C11orf54: variants seen among roughly 807,000 people sequenced by gnomAD.
C11orf54 encodes the protein beta-keto-L-gulonate decarboxylase.
In C11orf54, 29 loss-of-function variants were observed where a neutral mutation model predicts 35.5. The ratio of observed to expected loss-of-function variants is 0.82; its 90% CI spans 0.61 to 1.11. C11orf54 has a LOEUF of 1.11. Among genes scored for constraint, C11orf54 ranks in the 50% most tolerant of loss-of-function variants. The pLI is 0.00. For synonymous variants in C11orf54, 108 were observed against 121.1 expected (o/e 0.89, Z 0.71); for missense variants, 373 against 369.2 (o/e 1.01, Z -0.08).
At chr11:93,749,495 ACT>A (rs1335753598) in intron 2 of C11orf54, among the ~76,000 whole-genome samples, 15 of 92,862 alleles carry the variant, frequency 1.6e-4, no homozygotes, top group Non-Finnish European at 5.9e-5. Context: ...TCAGAGTGAG[ACT>A]CTGTCTCAAA....
chr11:93,754,652 A>AG (rs1309228854), intron 5 of C11orf54, among the ~76,000 whole-genome samples: 4 of 152,034 alleles, frequency 2.6e-5, no homozygotes, highest in African/African-American at 9.7e-5. Context: ...TGTTCAAGTT[A>AG]GGAAAAAAAG....
intron 3 of C11orf54, among the ~76,000 whole-genome samples, chr11:93,751,820 C>CTTT (rs35146074): frequency 0.017 from 1,369 of 79,992 alleles, 53 homozygotes; most frequent in African/African-American, 0.05. Context: ...AATGGTTAAT[C>CTTT]TTTTTTTTTT....
At chr11:93,746,347 C>T (rs1030661813) in intron 1 of C11orf54, 1 of 152,164 alleles carries the variant, frequency 6.6e-6, no homozygotes, top group Non-Finnish European at 1.5e-5. Context: ...TAGAAACACC[C>T]TTAAGAGTCT....
At chr11:93,760,775 C>A in intron 8 of C11orf54, among the ~76,000 whole-genome samples, 1 of 152,070 alleles carries the variant, frequency 6.6e-6, no homozygotes, top group Non-Finnish European at 1.5e-5. Context: ...TCTCCTGCCT[C>A]ACCCTCCTGA....
rs777926280 is a variant in C11orf54, at chr11:93,753,718, G to A, written c.191G>A (p.Gly64Asp). 3.1e-6 allele frequency: 5 copies of A among 1,613,844 alleles called. No individual in the cohort carries two copies. The highest frequency in any genetic ancestry group is 3.4e-6 in the Non-Finnish European group (4 of 1,179,980). Residue 64 changes from glycine to aspartate, a missense_variant, in exon 4 of 9, where the codon GGT (glycine) becomes GAT (aspartate). Coordinates refer to ENST00000354421, the MANE Select transcript of C11orf54 (RefSeq NM_001286069.2). ...AAAACTAGAATTGCAGAAGTTGGAG[G>A]TGTGCCTTACTTATTGCCTCTTGTA... ...CGKTRIAEVG[G>D]VPYLLPLVNQ...
chr11:93,756,167 C>CA (rs1210508995), intron 6 of C11orf54, among the ~76,000 whole-genome samples: 1,904 of 26,906 alleles, frequency 0.071, 98 homozygotes, highest in African/African-American at 0.18. Flanking sequence ...ACTCTGTCTC[C>CA]AAAAAAAAAA....
chr11:93,750,441 A>G lies in C11orf54; in HGVS notation c.151A>G (p.Lys51Glu), dbSNP rs1942756408. The G allele has an allele frequency of 1.2e-6, 2 of 1,610,006 alleles. No homozygotes were observed. The highest frequency in any genetic ancestry group is 1.7e-6 in the Non-Finnish European group (2 of 1,177,662). ...LTKEPFTFPV[K>E]GICGKTRIAE... ...TAAGGAACCCTTTACCTTTCCTGTA[A>G]AAGGTAAGCAATTTTTGCAATTAGC... The change falls in exon 3 of 9, where the codon AAA becomes GAA. Residue 51 changes from lysine to glutamate, a missense_variant. Coordinates refer to ENST00000354421, the MANE Select transcript of C11orf54 (RefSeq NM_001286069.2).
chr11:93,755,904 G>C (rs1340962834), intron 6 of C11orf54, among the ~76,000 whole-genome samples: 1 of 151,722 alleles, frequency 6.6e-6, no homozygotes, highest in Non-Finnish European at 1.5e-5. Flanking sequence ...GGTGGCTCAC[G>C]CCTGTATTCC....
chr11:93,742,211 C>G (rs1260130297), intron 1 of C11orf54: 1 of 152,390 alleles, frequency 6.6e-6, no homozygotes, highest in Non-Finnish European at 1.5e-5. Context: ...ACCATTAGTT[C>G]CTTGACCGGT....
In C11orf54 at chr11:93,761,507, T is replaced by C. The variant is rs1246889033; in HGVS notation, c.775-8T>C. 3 of 1,593,290 alleles carry C rather than the reference T, an allele frequency of 1.9e-6. No individual in the cohort carries two copies. The highest frequency in any genetic ancestry group is 3.6e-5 in the Admixed American group (2 of 55,880). On this transcript the variant is annotated splice_region_variant and splice_polypyrimidine_tract_variant and intron_variant, in intron 8 of 8. Transcript: ENST00000354421. ...GAGTACTAACATATTGTTTGTCTGTTATCTTAGGGGTTTGATTTGCGACTG... is the reference window on the plus strand; with the variant it reads ...GAGTACTAACATATTGTTTGTCTGTCATCTTAGGGGTTTGATTTGCGACTG...
rs1415369146 is a variant in C11orf54, at chr11:93,763,858, C to T, written c.*2170C>T. 2 of 152,198 alleles carry T rather than the reference C, an allele frequency of 1.3e-5. No individual in the cohort carries two copies. The highest frequency in any genetic ancestry group is 4.8e-5 in the African/African-American group (2 of 41,422). 9.4% of individuals were successfully genotyped at this position (152,198 alleles called of 1,614,324 possible). A position where few individuals can be genotyped will look rare whatever the true frequency, so the allele number is the denominator to read the frequency against. On this transcript the variant is annotated 3_prime_UTR_variant, in exon 9 of 9. Coordinates refer to ENST00000354421, the MANE Select transcript of C11orf54 (RefSeq NM_001286069.2). ...GCTTTCTGGGGAAAGCAGGGCAGCT[C>T]CTAAGCAGGATTTGACAACAGGGAA... is the stretch of plus-strand genomic sequence containing the variant.
At position 93,743,182 on chromosome 11, in the gene C11orf54, G is replaced by A. The variant is rs141745991; in HGVS notation, c.-98+1454G>A. ...CAACCGGCTAATTTTTGTACTTTTA[G>A]TAGAGACCAGGTTTCACCATGTTGG... On this transcript the variant is annotated intron_variant, in intron 1 of 8. Coordinates refer to ENST00000354421, the MANE Select transcript of C11orf54 (RefSeq NM_001286069.2). Among the ~76,000 whole-genome samples the A allele has an allele frequency of 1.0e-3, 154 of 152,008 alleles. 2 individuals are homozygous for A. Among genetic ancestry groups the A allele is most frequent in the African/African-American group, 3.6e-3 (151 of 41,490 alleles).
At chr11:93,742,540 C>T (rs965748684) in intron 1 of C11orf54, among the ~76,000 whole-genome samples, 3 of 152,202 alleles carry the variant, frequency 2.0e-5, no homozygotes, top group African/African-American at 7.2e-5. Context: ...CCGCCTCGGC[C>T]TCCCAAAGTA....
At chr11:93,761,472 T>A (rs1943466255) in intron 8 of C11orf54, 43 bp from the exon 9 acceptor site, 1 of 1,516,162 alleles carries the variant, frequency 6.6e-7, no homozygotes. Flanking sequence ...TAAACTCTAA[T>A]CAATAATTTG....
At chr11:93,749,533 G>C (rs768880903) in intron 2 of C11orf54, among the ~76,000 whole-genome samples, 1 of 138,312 alleles carries the variant, frequency 7.2e-6, no homozygotes, top group Non-Finnish European at 1.6e-5. Flanking sequence ...AAAAACTGTT[G>C]AGGCTAGGTG....
At chr11:93,744,778 G>A (rs998875496) in intron 1 of C11orf54, among the ~76,000 whole-genome samples, 1 of 152,210 alleles carries the variant, frequency 6.6e-6, no homozygotes. Context: ...AAGACACAAA[G>A]TATAGAGAAA....
At chr11:93,753,140 G>T (rs1942936044) in intron 3 of C11orf54, among the ~76,000 whole-genome samples, 1 of 151,900 alleles carries the variant, frequency 6.6e-6, no homozygotes, top group African/African-American at 2.4e-5. Flanking sequence ...CCGCCACCAT[G>T]CCCAGCTAAT....
intron 7 of C11orf54, among the ~76,000 whole-genome samples, chr11:93,759,075 T>A (rs1943318186): frequency 6.6e-6 from 1 of 152,332 alleles, no homozygotes; most frequent in African/African-American, 2.4e-5. Flanking sequence ...TGTAAATTAG[T>A]TCAACCATTG....
At chr11:93,753,202 C>G (rs1178611084) in intron 3 of C11orf54, among the ~76,000 whole-genome samples, 1 of 152,132 alleles carries the variant, frequency 6.6e-6, no homozygotes, top group Non-Finnish European at 1.5e-5. Context: ...GTCTCGAACT[C>G]CTGACTTCAG....
Sources: allele counts gnomAD v4.1 joint callset (sites outside exome capture counted in the v4.1 genomes callset), GRCh38; gene constraint gnomAD v4.1.1; transcripts MANE v1.5; gene names NCBI Gene and HGNC (gene_info 2026-07-23, HGNC 2026-07-21).